TBL1XR1: variants seen among roughly 807,000 people sequenced by gnomAD.
TBL1XR1 encodes F-box-like/WD repeat-containing protein TBL1XR1.
TBL1XR1 carries 5 observed loss-of-function variants against 66.9 expected under a neutral mutation model. The observed-to-expected ratio is 0.07, with a 90% CI of 0.04 to 0.16. TBL1XR1 has a LOEUF of 0.16. Among genes scored for constraint, TBL1XR1 ranks in the 10% least tolerant of loss-of-function variants. The probability of loss-of-function intolerance (pLI) is 1.00; values close to 1 mark genes in which losing one functional copy is unlikely to be tolerated. For missense variants in TBL1XR1, 238 were observed against 623.2 expected (o/e 0.38, Z 6.58); for synonymous variants, 210 against 206.0 (o/e 1.02, Z -0.17).
chr3:177,075,790 A>G (rs554790879), intron 2 of TBL1XR1, among the ~76,000 whole-genome samples: 1 of 152,298 alleles, frequency 6.6e-6, no homozygotes, highest in South Asian at 2.1e-4. Flanking sequence ...AATTAGCGTG[A>G]CAATAAAGTA....
chr3:177,161,919 C>A (rs1732260529), intron 1 of TBL1XR1, among the ~76,000 whole-genome samples: 2 of 152,124 alleles, frequency 1.3e-5, no homozygotes, highest in Non-Finnish European at 2.9e-5. Flanking sequence ...CCACACACTC[C>A]CACTCAAATA....
upstream of TBL1XR1, among the ~76,000 whole-genome samples, chr3:177,199,978 A>AT (rs200110139): frequency 6.1e-4 from 89 of 145,874 alleles, no homozygotes; most frequent in South Asian, 0.011. Context: ...GCAGGAGTAC[A>AT]TTTTTTTTTT....
intron 1 of TBL1XR1, among the ~76,000 whole-genome samples, chr3:177,186,055 C>T (rs1164556467): frequency 1.3e-5 from 2 of 152,096 alleles, no homozygotes; most frequent in African/African-American, 2.4e-5. Flanking sequence ...GAACACTTCA[C>T]ATCTCTCACC....
chr3:177,081,248 C>G (rs2108604636), intron 2 of TBL1XR1, among the ~76,000 whole-genome samples: 1 of 152,220 alleles, frequency 6.6e-6, no homozygotes, highest in Admixed American at 6.5e-5. Flanking sequence ...CAATGTGTCT[C>G]TGTGATAGAA....
At chr3:177,033,807 T>C (rs1256391536) in intron 13 of TBL1XR1, among the ~76,000 whole-genome samples, 2 of 152,292 alleles carry the variant, frequency 1.3e-5, no homozygotes, top group South Asian at 2.1e-4. Flanking sequence ...GAGGCCATCA[T>C]GCTAAGTGAA....
chr3:177,098,708 G>A (rs2108669248), intron 1 of TBL1XR1, among the ~76,000 whole-genome samples, 167 bp from the exon 2 acceptor site: 1 of 152,248 alleles, frequency 6.6e-6, no homozygotes, highest in East Asian at 1.9e-4. Flanking sequence ...CAACTTTTGA[G>A]TGCTTAATAC....
chr3:177,158,086 C>G (rs9843184), intron 1 of TBL1XR1, among the ~76,000 whole-genome samples: 3 of 151,838 alleles, frequency 2.0e-5, no homozygotes, highest in South Asian at 4.2e-4. Flanking sequence ...GGTCCCACCA[C>G]GGTAGTTTTC....
intron 4 of TBL1XR1, among the ~76,000 whole-genome samples, chr3:177,053,302 T>C (rs937212268): frequency 2.6e-5 from 4 of 152,098 alleles, no homozygotes; most frequent in African/African-American, 9.7e-5. Flanking sequence ...TCAAACTTTA[T>C]TGAGAAAAAC....
chr3:177,080,168 T>G (rs1721221894), intron 2 of TBL1XR1, among the ~76,000 whole-genome samples: 1 of 152,192 alleles, frequency 6.6e-6, no homozygotes, highest in East Asian at 1.9e-4. Flanking sequence ...ACACAAAATT[T>G]TAAATTGCAA....
intron 1 of TBL1XR1, among the ~76,000 whole-genome samples, chr3:177,193,413 C>A (rs899521756): frequency 6.6e-6 from 1 of 151,868 alleles, no homozygotes. Context: ...TGGGTTCAAG[C>A]GATTCTCCCA....
chr3:177,165,450 A>G (rs530159730), intron 1 of TBL1XR1, among the ~76,000 whole-genome samples: 187 of 152,306 alleles, frequency 1.2e-3, no homozygotes, highest in Non-Finnish European at 2.1e-3. Context: ...CACAATCTCA[A>G]TCAAAATCCC....
At position 177,049,910 on chromosome 3, in the gene TBL1XR1, C is replaced by G. The variant is rs765793881; in HGVS notation, c.702+87G>C. The G allele has an allele frequency of 9.6e-5, 141 of 1,468,454 alleles. 1 individual carries two copies. Among genetic ancestry groups the G allele is most frequent in the Non-Finnish European group, 1.2e-4 (134 of 1,090,760 alleles). 91.0% of individuals were successfully genotyped at this position (1,468,454 alleles called of 1,614,324 possible). On this transcript the variant is annotated intron_variant, in intron 7 of 15. Coordinates refer to ENST00000457928, the MANE Select transcript of TBL1XR1 (RefSeq NM_024665.7). ...AGTTAATAAAACCCCAAATTCTGAA[C>G]AAATAGACAAACCCTGCCGTGAGTA...
chr3:177,135,126 C>G (rs950289018), intron 1 of TBL1XR1, among the ~76,000 whole-genome samples: 1 of 150,368 alleles, frequency 6.7e-6, no homozygotes, highest in African/African-American at 2.5e-5. Flanking sequence ...CTCAGCCTCC[C>G]GAGTAGCTGG....
chr3:177,105,832 A>G (rs1724812502), intron 1 of TBL1XR1, among the ~76,000 whole-genome samples: 3 of 151,892 alleles, frequency 2.0e-5, no homozygotes, highest in African/African-American at 7.3e-5. Context: ...GGGACTGAGA[A>G]CCACTGGGTG....
chr3:177,165,823 T>G (rs1407496869), intron 1 of TBL1XR1, among the ~76,000 whole-genome samples: 1 of 152,060 alleles, frequency 6.6e-6, no homozygotes, highest in Non-Finnish European at 1.5e-5. Context: ...CAGAGCCAGG[T>G]TCAGTGGCTC....
intron 3 of TBL1XR1, 140 bp from the exon 4 acceptor site, chr3:177,054,058 G>GTC: frequency 1.5e-6 from 1 of 658,566 alleles, no homozygotes; most frequent in Non-Finnish European, 2.5e-6. Flanking sequence ...GTGTGTGTGT[G>GTC]TGTGTGTGTG....
At chr3:177,108,180 T>A (rs80064869) in intron 1 of TBL1XR1, among the ~76,000 whole-genome samples, 1 of 152,094 alleles carries the variant, frequency 6.6e-6, no homozygotes, top group African/African-American at 2.4e-5. Flanking sequence ...TCAAATAAAT[T>A]AACAGACCAA....
chr3:177,101,443 C>T (rs560442980), intron 1 of TBL1XR1, among the ~76,000 whole-genome samples: 1 of 152,284 alleles, frequency 6.6e-6, no homozygotes, highest in Admixed American at 6.5e-5. Context: ...GAGACTTAAT[C>T]CCCAAATTCA....
At chr3:177,055,988 A>C (rs1342860920) in intron 3 of TBL1XR1, among the ~76,000 whole-genome samples, 1 of 152,166 alleles carries the variant, frequency 6.6e-6, no homozygotes, top group Non-Finnish European at 1.5e-5. Flanking sequence ...AGACTCTACT[A>C]CTCCTCTTGA....
Sources: gnomAD v4.1 joint callset for allele counts (sites outside exome capture counted in the v4.1 genomes callset) on GRCh38, gnomAD v4.1.1 for gene constraint, MANE v1.5 for transcripts, NCBI Gene and HGNC (gene_info 2026-07-23, HGNC 2026-07-21) for gene names.